The following NALF1 variants were observed in gnomAD, a reference collection of about 807,000 sequenced individuals.
The protein encoded by NALF1 is NALCN channel auxiliary factor 1, also known as family with sequence similarity 155 member A.
Under a neutral mutation model 48.4 loss-of-function variants are expected in NALF1, and 3 were observed. The observed-to-expected ratio is 0.06, with a 90% confidence interval of 0.03 to 0.16. The LOEUF (loss-of-function observed/expected upper bound fraction) is 0.16, where lower values mean the gene tolerates loss of function less well. Ranked by LOEUF, NALF1 falls within the 10% of genes least tolerant of loss-of-function variation. The pLI is 1.00. For missense variants in NALF1, 526 were observed against 571.5 expected, an observed-to-expected ratio of 0.92 and a Z score of 0.81; for synonymous variants, 262 against 245.7, an observed-to-expected ratio of 1.07 and a Z score of -0.62.
intron 1 of NALF1, among the ~76,000 whole-genome samples, chr13:107,607,030 TACATTGGTGCA>T (rs1452945187): frequency 6.6e-6 from 1 of 152,214 alleles, no homozygotes; most frequent in Non-Finnish European, 1.5e-5. Flanking sequence ...ATTATATTTA[TACATTGGTGCA>T]AAAGTATTTG....
At chr13:107,432,345 G>A (rs1438540458) in intron 1 of NALF1, among the ~76,000 whole-genome samples, 2 of 152,112 alleles carry the variant, frequency 1.3e-5, no homozygotes, top group Non-Finnish European at 2.9e-5. Flanking sequence ...AGATGTGGAG[G>A]GAACAAATAT....
chr13:107,514,185 T>C (rs1223789229), intron 1 of NALF1, among the ~76,000 whole-genome samples: 2 of 152,248 alleles, frequency 1.3e-5, no homozygotes, highest in African/African-American at 4.8e-5. Flanking sequence ...TTGTTTCCCA[T>C]GTATAGGTGA....
chr13:107,443,597 T>G (rs962553550), intron 1 of NALF1, among the ~76,000 whole-genome samples: 2 of 152,206 alleles, frequency 1.3e-5, no homozygotes, highest in Admixed American at 6.5e-5. Context: ...CAGAAAACTT[T>G]CTCTTTAAAC....
At chr13:107,401,458 T>C (rs780720317) in intron 1 of NALF1, among the ~76,000 whole-genome samples, 1 of 152,206 alleles carries the variant, frequency 6.6e-6, no homozygotes, top group African/African-American at 2.4e-5. Flanking sequence ...TTTAATTTTC[T>C]TGCCCACTAG....
intron 1 of NALF1, among the ~76,000 whole-genome samples, chr13:107,536,524 A>T (rs984933529): frequency 1.3e-5 from 2 of 152,180 alleles, no homozygotes; most frequent in African/African-American, 4.8e-5. Flanking sequence ...CAAAACTACA[A>T]TGAGATACCA....
intron 1 of NALF1, among the ~76,000 whole-genome samples, chr13:107,849,047 C>T (rs1465234824): frequency 1.3e-5 from 2 of 152,176 alleles, no homozygotes; most frequent in Non-Finnish European, 2.9e-5. Context: ...TTTACAACAA[C>T]ACCCATTTTA....
intron 2 of NALF1, among the ~76,000 whole-genome samples, chr13:107,174,341 A>T (rs959789448): frequency 1.1e-5 from 1 of 90,574 alleles, no homozygotes; most frequent in Non-Finnish European, 2.3e-5. Flanking sequence ...AGAAACTTTT[A>T]TTTTTATTTA....
chr13:107,304,456 T>C (rs1333438333), intron 1 of NALF1, among the ~76,000 whole-genome samples: 1 of 152,216 alleles, frequency 6.6e-6, no homozygotes, highest in Admixed American at 6.5e-5. Context: ...TTGGATGTGT[T>C]ATCTCAACTG....
chr13:107,763,261 G>A (rs1877317725), intron 1 of NALF1, among the ~76,000 whole-genome samples: 7 of 150,610 alleles, frequency 4.6e-5, no homozygotes, highest in Middle Eastern at 3.4e-3. Flanking sequence ...TCCTCCCCAA[G>A]AATTAGTCAC....
At chr13:107,733,422 T>G (rs746484372) in intron 1 of NALF1, among the ~76,000 whole-genome samples, 13 of 152,228 alleles carry the variant, frequency 8.5e-5, no homozygotes, top group Non-Finnish European at 1.8e-4. Context: ...GGCTTAAATC[T>G]TAGTTATTTT....
At chr13:107,614,889 G>A (rs1308367324) in intron 1 of NALF1, among the ~76,000 whole-genome samples, 1 of 151,382 alleles carries the variant, frequency 6.6e-6, no homozygotes, top group African/African-American at 2.4e-5. Flanking sequence ...TGATTCTCCT[G>A]CCTCAGCTTC....
At chr13:107,633,882 A>G (rs575275641) in intron 1 of NALF1, among the ~76,000 whole-genome samples, 27 of 147,334 alleles carry the variant, frequency 1.8e-4, no homozygotes, top group African/African-American at 4.4e-4. Flanking sequence ...GTGTGTGTGT[A>G]TATATATATA....
chr13:107,797,961 T>C (rs1878484370), intron 1 of NALF1, among the ~76,000 whole-genome samples: 2 of 152,322 alleles, frequency 1.3e-5, no homozygotes, highest in East Asian at 3.9e-4. Context: ...TTAAAAAATT[T>C]GAAAGCAATT....
intron 1 of NALF1, among the ~76,000 whole-genome samples, chr13:107,472,391 T>C (rs776248513): frequency 2.0e-5 from 3 of 152,056 alleles, no homozygotes; most frequent in Non-Finnish European, 2.9e-5. Flanking sequence ...TAATATTGAG[T>C]GTCAACTTGA....
At chr13:107,220,686 G>A (rs1468402464) in intron 1 of NALF1, among the ~76,000 whole-genome samples, 4 of 152,164 alleles carry the variant, frequency 2.6e-5, no homozygotes, top group Admixed American at 6.6e-5. Context: ...TGTAAAATTT[G>A]AGGAGCCAGG....
intron 1 of NALF1, among the ~76,000 whole-genome samples, chr13:107,421,812 T>C (rs1240465190): frequency 6.6e-6 from 1 of 152,168 alleles, no homozygotes; most frequent in South Asian, 2.1e-4. Flanking sequence ...TCTGCAGTCA[T>C]TGAAAACATG....
chr13:107,189,918 T>G (rs866262622), intron 2 of NALF1, among the ~76,000 whole-genome samples: 4 of 152,334 alleles, frequency 2.6e-5, no homozygotes, highest in Admixed American at 2.6e-4. Flanking sequence ...TGTCTTCGTG[T>G]TGAGTGCTAG....
chr13:107,477,400 A>G (rs1355569918), intron 1 of NALF1, among the ~76,000 whole-genome samples: 1 of 152,154 alleles, frequency 6.6e-6, no homozygotes, highest in Non-Finnish European at 1.5e-5. Context: ...CTAGGAGTCC[A>G]CTAATCCTAA....
At chr13:107,612,043 AGGAGGGAGAGAGGGGAGTG>A (rs1427596294) in intron 1 of NALF1, among the ~76,000 whole-genome samples, 3 of 102,404 alleles carry the variant, frequency 2.9e-5, no homozygotes, top group Non-Finnish European at 6.0e-5. Context: ...GAGGCAGAGA[AGGAGGGAGAGAGGGGAGTG>A]GGGGGGAGAG....
Sources: allele counts gnomAD v4.1 joint callset (sites outside exome capture counted in the v4.1 genomes callset), GRCh38; gene constraint gnomAD v4.1.1; transcripts MANE v1.5; gene names NCBI Gene and HGNC (gene_info 2026-07-23, HGNC 2026-07-21).